OCA2: variants seen among roughly 807,000 people sequenced by gnomAD.
OCA2 encodes the protein OCA2 melanosomal transmembrane protein, also known as P protein.
In OCA2, 77 loss-of-function variants were observed where a neutral mutation model predicts 100.2. The observed-to-expected ratio is 0.77, with a 90% CI of 0.64 to 0.93. The LOEUF is 0.93. Ranked by LOEUF, OCA2 falls within the 40% of genes least tolerant of loss-of-function variation. The pLI, the probability that OCA2 is intolerant of heterozygous loss-of-function variation, is 0.00. For missense variants in OCA2, 1,062 were observed against 1,089.1 expected (o/e 0.98, Z 0.35); for synonymous variants, 432 against 439.2 (o/e 0.98, Z 0.21).
intron 14 of OCA2, among the ~76,000 whole-genome samples, chr15:27,979,617 T>A (rs2041080526): frequency 6.6e-6 from 1 of 152,110 alleles, no homozygotes; most frequent in South Asian, 2.1e-4. Flanking sequence ...TGCTTTAGAG[T>A]TTATCATATA....
intron 2 of OCA2, among the ~76,000 whole-genome samples, chr15:28,051,595 CTTT>C (rs11292828): frequency 4.2e-4 from 35 of 82,490 alleles, no homozygotes; most frequent in African/African-American, 2.1e-3. Flanking sequence ...CCTGGCCTTC[CTTT>C]TTTTTTTTTT....
At chr15:27,994,877 G>C (rs1455357897) in intron 9 of OCA2, among the ~76,000 whole-genome samples, 1 of 152,098 alleles carries the variant, frequency 6.6e-6, no homozygotes, top group Non-Finnish European at 1.5e-5. Flanking sequence ...ATTCCAGATA[G>C]GTGGGATACC....
At chr15:27,984,952 G>A (rs150540829) in intron 13 of OCA2, 112 bp downstream of exon 13, 34 of 1,312,532 alleles carry the variant, frequency 2.6e-5, no homozygotes, top group African/African-American at 2.0e-4. Context: ...GGGCTCAACC[G>A]CCCCCACCTT....
At chr15:27,770,084 C>T (rs1418300869) in intron 23 of OCA2, among the ~76,000 whole-genome samples, 1 of 152,176 alleles carries the variant, frequency 6.6e-6, no homozygotes, top group East Asian at 1.9e-4. Flanking sequence ...GCCTGCAGTG[C>T]CCCCCACCCC....
chr15:27,891,778 C>T (rs2037471830), intron 19 of OCA2, among the ~76,000 whole-genome samples: 1 of 152,048 alleles, frequency 6.6e-6, no homozygotes, highest in Non-Finnish European at 1.5e-5. Context: ...TAAGCATTAA[C>T]ATATCAATAA....
intron 19 of OCA2, among the ~76,000 whole-genome samples, chr15:27,924,758 AG>A (rs1349264278): frequency 6.6e-6 from 1 of 152,222 alleles, no homozygotes; most frequent in Non-Finnish European, 1.5e-5. Flanking sequence ...AGATAAAGAG[AG>A]GAAAAAAGAT....
At chr15:28,050,877 G>A (rs1278540172) in intron 2 of OCA2, among the ~76,000 whole-genome samples, 1 of 152,126 alleles carries the variant, frequency 6.6e-6, no homozygotes, top group Non-Finnish European at 1.5e-5. Flanking sequence ...TAGGGAAAAT[G>A]AAACCGGTTC....
intron 3 of OCA2, among the ~76,000 whole-genome samples, chr15:28,031,314 AT>A (rs1383444755): frequency 1.3e-5 from 2 of 152,132 alleles, no homozygotes; most frequent in Non-Finnish European, 2.9e-5. Context: ...GGGTTCTGAT[AT>A]TTTTTATTAT....
chr15:27,742,932 C>T, the OCA2 span, among the ~76,000 whole-genome samples: 63,690 of 152,068 alleles, frequency 0.42, 14,535 homozygotes, highest in Non-Finnish European at 0.52. Flanking sequence ...AGCCATCTTC[C>T]GTTTCTTCTG....
intron 21 of OCA2, among the ~76,000 whole-genome samples, chr15:27,863,461 T>G (rs2036210578): frequency 6.6e-6 from 1 of 152,132 alleles, no homozygotes; most frequent in Non-Finnish European, 1.5e-5. Context: ...TGCCAATGTG[T>G]GGAGTGGGTC....
Position 27,871,752 on chromosome 15 carries a change from T to C in OCA2, c.2139+111A>G, listed in dbSNP as rs113666932. 4,273 of 820,376 alleles carry C rather than the reference T, an allele frequency of 5.2e-3. 75 individuals carry two copies. Among genetic ancestry groups the C allele is most frequent in the African/African-American group, 0.05 (2,917 of 58,410 alleles). The allele number at this position is 820,376 out of a possible 1,614,324, so 50.8% of individuals were successfully genotyped here. On this transcript the variant is annotated intron_variant, in intron 20 of 23. Transcript: ENST00000354638. Reference sequence around the variant, plus strand: ...TAGAACAGGTTCCCTGCTGTGCCTTTTTACATAATTAATGGGACCTGTTCT... The same window carrying C: ...TAGAACAGGTTCCCTGCTGTGCCTTCTTACATAATTAATGGGACCTGTTCT...
intron 18 of OCA2, among the ~76,000 whole-genome samples, chr15:27,933,725 G>A (rs2039347240): frequency 6.6e-6 from 1 of 152,164 alleles, no homozygotes; most frequent in Non-Finnish European, 1.5e-5. Flanking sequence ...AATGTCATGA[G>A]GTCGATGGAT....
intron 10 of OCA2, 31 bp from the exon 11 acceptor site, chr15:27,989,697 T>A: frequency 6.2e-7 from 1 of 1,603,840 alleles, no homozygotes; most frequent in Non-Finnish European, 8.5e-7. Context: ...TGCCAATTAA[T>A]CCGTGCGCCG....
At chr15:28,034,603 C>T (rs754931340) in intron 2 of OCA2, among the ~76,000 whole-genome samples, 35 of 152,236 alleles carry the variant, frequency 2.3e-4, no homozygotes, top group Non-Finnish European at 4.4e-4. Flanking sequence ...TAGCAAAACC[C>T]TGTCTCTAAA....
rs115651229 is a variant in OCA2 at position 27,835,553 on chromosome 15, G to A, written c.2432+9406C>T. Among the ~76,000 whole-genome samples the A allele has an allele frequency of 5.7e-3, 864 of 152,360 alleles. 12 individuals are homozygous for A. The highest frequency in any genetic ancestry group is 0.02 in the African/African-American group (827 of 41,594). ...TTTCAAATTCCATGAAGATGGTAGA[G>A]TTAGGCGTGAAATCGTCACTGTTGC... On this transcript the variant is annotated intron_variant, in intron 23 of 23. Transcript: ENST00000354638.
At chr15:28,096,599 A>G (rs1246332477) in intron 1 of OCA2, among the ~76,000 whole-genome samples, 1 of 151,682 alleles carries the variant, frequency 6.6e-6, no homozygotes, top group Non-Finnish European at 1.5e-5. Flanking sequence ...CGGTGCCCCC[A>G]CCCCACTTCG....
the OCA2 span, among the ~76,000 whole-genome samples, chr15:27,749,689 G>A: frequency 6.6e-6 from 1 of 151,992 alleles, no homozygotes; most frequent in Non-Finnish European, 1.5e-5. Context: ...ATTTCTACAC[G>A]TTAATTATGC....
Position 27,957,717 on chromosome 15 carries a change from T to C in OCA2, c.1655A>G (p.His552Arg). ...SEIVELKHEI[H>R]VWRLTAQRIS... Reference sequence around the variant, plus strand: ...GCGCTGAGCAGTCAGGCGCCAGACGTGAATCTCGTGCTTCAGTTCTGCAGA... The same window carrying C: ...GCGCTGAGCAGTCAGGCGCCAGACGCGAATCTCGTGCTTCAGTTCTGCAGA... The change falls in exon 16 of 24, where the codon CAC (histidine) becomes CGC (arginine). Residue 552 changes from histidine (H) to arginine (R), a missense_variant. Physicochemically the swap from His to Arg is conservative, Grantham distance 29. Coordinates refer to ENST00000354638, the MANE Select transcript of OCA2 (RefSeq NM_000275.3). This position sits in a 1 kb window ranked among gnomAD's most constrained non-coding sequence, Gnocchi z 4.3. 6.2e-7 allele frequency: 1 copy of C among 1,613,102 alleles called. No individual in the cohort carries two copies. The highest frequency in any genetic ancestry group is 1.1e-5 in the South Asian group (1 of 91,078).
intron 9 of OCA2, among the ~76,000 whole-genome samples, chr15:28,013,829 T>C (rs2042307131): frequency 6.6e-6 from 1 of 152,066 alleles, no homozygotes; most frequent in Admixed American, 6.5e-5. Flanking sequence ...GAAACAACAG[T>C]AATATTAATT....
Sources: gnomAD v4.1 joint callset for allele counts (sites outside exome capture counted in the v4.1 genomes callset) on GRCh38, gnomAD v4.1.1 for gene constraint, Gnocchi (gnomAD v3.1) non-coding constraint, MANE v1.5 for transcripts, NCBI Gene and HGNC (gene_info 2026-07-23, HGNC 2026-07-21) for gene names.